Variants in ARFGAP3 observed in about 807,000 individuals in gnomAD.
ARFGAP3 encodes ARF GTPase activating protein 3.
A neutral mutation model predicts 75.0 loss-of-function variants in ARFGAP3; 72 were observed. The ratio of observed to expected loss-of-function variants is 0.96; its 90% confidence interval spans 0.79 to 1.17. The LOEUF is 1.17. Among genes scored for constraint, ARFGAP3 ranks in the 50% most tolerant of loss-of-function variants. ARFGAP3 has a pLI of 0.00. For synonymous variants in ARFGAP3, 221 were observed against 217.9 expected, an observed-to-expected ratio of 1.01 and a Z score of -0.13; for missense variants, 620 against 626.6, an observed-to-expected ratio of 0.99 and a Z score of 0.11.
rs1215265363 is a variant in ARFGAP3, at chr22:42,844,600, A to AC, written c.188+2913_188+2914insG. Among the ~76,000 whole-genome samples the AC allele has an allele frequency of 1.1e-4, 13 of 113,174 alleles. No individual in the cohort carries two copies. The South Asian group carries it at 2.5e-3, about 22-fold the overall frequency. The allele number at this position is 113,174 out of a possible 152,430, so 74.2% of individuals were successfully genotyped here. A position where few individuals can be genotyped will look rare whatever the true frequency, so the allele number is the denominator to read the frequency against. The stretch of plus-strand genomic sequence containing the variant: ...ACTCTGTCTCAAAGGAAAAAAAAAA[A>AC]AAAAAAATAAAAAACCCAAAAAACT... On this transcript the variant is annotated intron_variant, in intron 2 of 15. Coordinates refer to ENST00000263245, the MANE Select transcript of ARFGAP3 (RefSeq NM_014570.5).
At chr22:42,847,936 C>G (rs899694003) in intron 1 of ARFGAP3, among the ~76,000 whole-genome samples, 2 of 151,242 alleles carry the variant, frequency 1.3e-5, no homozygotes, top group African/African-American at 4.8e-5. Flanking sequence ...GCAATCTCGG[C>G]TCACTGTAAC....
chr22:42,850,563 CCTG>C (rs1248150455), intron 1 of ARFGAP3, among the ~76,000 whole-genome samples: 7 of 123,842 alleles, frequency 5.7e-5, no homozygotes, highest in Non-Finnish European at 1.2e-4. Flanking sequence ...ACAGTGAGAC[CCTG>C]CTATCAAAAA....
chr22:42,811,956 T>C (rs1925383431), intron 11 of ARFGAP3, among the ~76,000 whole-genome samples: 2 of 152,094 alleles, frequency 1.3e-5, no homozygotes, highest in African/African-American at 4.8e-5. Flanking sequence ...GCAGGTGGAT[T>C]GCTTGAGCCT....
rs11379515 is a variant in ARFGAP3 at position 42,828,681 on chromosome 22, C to CTTT, written c.566-1685_566-1683dup. Among the ~76,000 whole-genome samples, 61 of 116,238 alleles carry CTTT rather than the reference C, an allele frequency of 5.2e-4. 1 individual carries two copies. The highest frequency in any genetic ancestry group is 6.6e-4 in the Non-Finnish European group (38 of 57,316). The allele number at this position is 116,238 out of a possible 152,430, so 76.3% of individuals were successfully genotyped here. On this transcript the variant is annotated intron_variant, in intron 6 of 15. Coordinates refer to ENST00000263245, the MANE Select transcript of ARFGAP3 (RefSeq NM_014570.5). Reference sequence around the variant, plus strand: ...AACCCTCAATCTCAAAGCCCCCGGCCTTTTTTTTTTTTTTTTTTTTCTGAG... The same window carrying CTTT: ...AACCCTCAATCTCAAAGCCCCCGGCCTTTTTTTTTTTTTTTTTTTTTTTCTGAG...
At chr22:42,832,787 ACAAGCCTGACCAACATGGCG>A (rs1211025653) in intron 5 of ARFGAP3, among the ~76,000 whole-genome samples, 1 of 151,900 alleles carries the variant, frequency 6.6e-6, no homozygotes, top group Non-Finnish European at 1.5e-5. Context: ...GGAGTTTGAG[ACAAGCCTGACCAACATGGCG>A]AAACCCCGTC....
At chr22:42,814,048 G>C (rs1260126344) in intron 11 of ARFGAP3, among the ~76,000 whole-genome samples, 1 of 151,972 alleles carries the variant, frequency 6.6e-6, no homozygotes, top group African/African-American at 2.4e-5. Flanking sequence ...TCTAATTAAG[G>C]CCATGCTGGC....
chr22:42,853,641 G>A, intron 1 of ARFGAP3: 1 of 176,514 alleles, frequency 5.7e-6, no homozygotes, highest in Non-Finnish European at 1.2e-5. Flanking sequence ...AGGGCCCAGA[G>A]CTCCCTGTGC....
chr22:42,857,249 G>A lies in ARFGAP3; in HGVS notation c.-67C>T, dbSNP rs1015938561. 7 of 1,481,982 alleles carry A rather than the reference G, an allele frequency of 4.7e-6. No homozygotes were observed. The South Asian group carries it at 6.4e-5, about 13-fold the overall frequency. The allele number at this position is 1,481,982 out of a possible 1,614,324, so 91.8% of individuals were successfully genotyped here. ...TAAGAGTCGACGAAAAGCGGCTACC[G>A]CCTCAGCAGGAGCGACGAGGCCGCG... On this transcript the variant is annotated 5_prime_UTR_variant, in exon 1 of 16. Transcript: ENST00000263245.
At chr22:42,798,577 T>C (rs1269251220) in intron 15 of ARFGAP3, among the ~76,000 whole-genome samples, 4 of 152,242 alleles carry the variant, frequency 2.6e-5, no homozygotes, top group Non-Finnish European at 1.5e-5. Flanking sequence ...GCTCCCAGCA[T>C]CACAGAGAAA....
chr22:42,825,285 T>C (rs900897162), intron 7 of ARFGAP3, among the ~76,000 whole-genome samples: 12 of 152,182 alleles, frequency 7.9e-5, no homozygotes, highest in African/African-American at 2.9e-4. Context: ...AAAAATAAAG[T>C]TAGCTAGGCA....
chr22:42,843,898 A>G (rs1926893337), intron 2 of ARFGAP3, among the ~76,000 whole-genome samples: 1 of 152,202 alleles, frequency 6.6e-6, no homozygotes. Context: ...TCAGCAACCA[A>G]TGCAGTTTGC....
At chr22:42,798,903 G>A in intron 15 of ARFGAP3, 136 bp downstream of exon 15, 1 of 738,112 alleles carries the variant, frequency 1.4e-6, no homozygotes, top group South Asian at 1.6e-5. Flanking sequence ...ATAATGTTCT[G>A]GGTTATAGTG....
chr22:42,798,333 T>A (rs1924696184), intron 15 of ARFGAP3, among the ~76,000 whole-genome samples: 1 of 152,242 alleles, frequency 6.6e-6, no homozygotes. Context: ...GGACCAGGAA[T>A]CTCCTTTGGA....
At chr22:42,823,806 T>G (rs1181330315) in intron 7 of ARFGAP3, 104 bp from the exon 8 acceptor site, 1 of 1,220,792 alleles carries the variant, frequency 8.2e-7, no homozygotes, top group East Asian at 2.9e-5. Context: ...ATTTAAGAGA[T>G]GATAACATTT....
chr22:42,817,040 G>A, intron 11 of ARFGAP3, 102 bp downstream of exon 11: 1 of 873,872 alleles, frequency 1.1e-6, no homozygotes, highest in East Asian at 2.6e-5. Flanking sequence ...AAACAGTGAA[G>A]TAAATTGATT....
At chr22:42,827,299 ATACT>A (rs1194277577) in intron 6 of ARFGAP3, among the ~76,000 whole-genome samples, 3 of 152,238 alleles carry the variant, frequency 2.0e-5, no homozygotes, top group Non-Finnish European at 4.4e-5. Context: ...CTGTCAAAAG[ATACT>A]TACTACCTCT....
At chr22:42,856,956 C>T (rs1357091569) in intron 1 of ARFGAP3, among the ~76,000 whole-genome samples, 158 bp downstream of exon 1, 1 of 149,908 alleles carries the variant, frequency 6.7e-6, no homozygotes, top group Non-Finnish European at 1.5e-5. Context: ...CCCGGCCCCG[C>T]CCGCCCCGGC....
At chr22:42,804,376 ATTTTTTTT>A (rs1169858932) in intron 14 of ARFGAP3, among the ~76,000 whole-genome samples, 6 of 74,478 alleles carry the variant, frequency 8.1e-5, no homozygotes, top group African/African-American at 3.0e-4. Context: ...CACCCAGCTA[ATTTTTTTT>A]TTTTTTTTTT....
intron 11 of ARFGAP3, among the ~76,000 whole-genome samples, chr22:42,816,422 T>A (rs2146540420): frequency 6.6e-6 from 1 of 151,980 alleles, no homozygotes. Flanking sequence ...ACCCCTCTGT[T>A]CCTGAGCTGT....
Sources: gnomAD v4.1 joint callset for allele counts (sites outside exome capture counted in the v4.1 genomes callset) on GRCh38, gnomAD v4.1.1 for gene constraint, MANE v1.5 for transcripts, NCBI Gene and HGNC (gene_info 2026-07-23, HGNC 2026-07-21) for gene names.